The following CDH12 variants were observed in gnomAD, a reference collection of about 807,000 sequenced individuals.
The protein encoded by CDH12 is cadherin 12.
CDH12 carries 41 observed loss-of-function variants against 74.1 expected under a neutral mutation model. The ratio of observed to expected loss-of-function variants is 0.55; its 90% CI spans 0.43 to 0.72. The LOEUF (loss-of-function observed/expected upper bound fraction) is 0.72. Ranked by LOEUF, CDH12 falls within the 30% of genes least tolerant of loss-of-function variation. The pLI is 0.00. For synonymous variants in CDH12, 399 were observed against 355.0 expected (o/e 1.12, Z -1.39); for missense variants, 945 against 977.2 (o/e 0.97, Z 0.44).
intron 1 of CDH12, among the ~76,000 whole-genome samples, chr5:22,693,777 ATCTG>A (rs1742207069): frequency 6.6e-6 from 1 of 151,914 alleles, no homozygotes; most frequent in South Asian, 2.1e-4. Flanking sequence ...TATATGTATT[ATCTG>A]TCTGCATATA....
intron 1 of CDH12, among the ~76,000 whole-genome samples, chr5:22,650,825 G>A (rs904729314): frequency 1.3e-5 from 2 of 151,982 alleles, no homozygotes; most frequent in African/African-American, 4.8e-5. Flanking sequence ...ATCTGCCACT[G>A]CAAGTGGGTT....
At chr5:22,292,343 T>C (rs79075887) in intron 3 of CDH12, among the ~76,000 whole-genome samples, 4 of 1,738 alleles carry the variant, frequency 2.3e-3, no homozygotes, top group African/African-American at 2.3e-3. Flanking sequence ...TGGTTTTTGT[T>C]TTTTTTTTTT....
rs1177924897 is a variant in CDH12, at chr5:22,775,914, A to G, written c.-523+77144T>C. On this transcript the variant is annotated intron_variant, in intron 1 of 14. Coordinates refer to ENST00000382254, the MANE Select transcript of CDH12 (RefSeq NM_004061.5). ...TCCCATGCTATTCTTGTGATAGTGA[A>G]TAAGTCCCTTGAGATCTGATGGGTT... Among the ~76,000 whole-genome samples the G allele has an allele frequency of 2.0e-5, 3 of 151,998 alleles. No individual in the cohort carries two copies. In the East Asian group the frequency reaches 5.8e-4, roughly 29 times the overall value.
At chr5:22,209,733 C>T (rs1751423146) in intron 4 of CDH12, among the ~76,000 whole-genome samples, 1 of 151,198 alleles carries the variant, frequency 6.6e-6, no homozygotes, top group African/African-American at 2.4e-5. Flanking sequence ...ATGGAATTTA[C>T]AAAATCACTT....
Position 22,170,131 on chromosome 5 carries a change from T to A in CDH12, c.-187+42367A>T, listed in dbSNP as rs547035714. Among the ~76,000 whole-genome samples the A allele has an allele frequency of 4.6e-5, 7 of 151,916 alleles. No homozygotes were observed. The South Asian group carries it at 1.2e-3, about 27-fold the overall frequency. On this transcript the variant is annotated intron_variant, in intron 4 of 14. Transcript: ENST00000382254. ...TAACACACCTACAAAGGCAGAAAGC[T>A]GAATGTCCCTCAGAATAGTAGAAAC...
chr5:22,045,727 G>A (rs1739902261), intron 5 of CDH12, among the ~76,000 whole-genome samples: 2 of 151,922 alleles, frequency 1.3e-5, no homozygotes, highest in African/African-American at 4.8e-5. Flanking sequence ...ACTCATATGT[G>A]GAATCTAAAA....
chr5:21,955,462 G>T (rs1756054072), intron 6 of CDH12, among the ~76,000 whole-genome samples: 1 of 151,906 alleles, frequency 6.6e-6, no homozygotes, highest in South Asian at 2.1e-4. Flanking sequence ...GCTAGTGATT[G>T]CACACTTAAA....
chr5:22,415,841 T>C lies in CDH12; in HGVS notation c.-427-10490A>G, dbSNP rs565559272. The stretch of plus-strand genomic sequence containing the variant: ...TGGCATTGGATTCAGGATCAGGTTT[T>C]GGTTGGCAATACAAAAGAGTCTAGG... On this transcript the variant is annotated intron_variant, in intron 2 of 14. Coordinates refer to ENST00000382254, the MANE Select transcript of CDH12 (RefSeq NM_004061.5). Among the ~76,000 whole-genome samples, 208 of 152,160 alleles carry C rather than the reference T, an allele frequency of 1.4e-3. 1 individual carries two copies. Among genetic ancestry groups the C allele is most frequent in the African/African-American group, 4.6e-3 (192 of 41,536 alleles).
At chr5:22,666,309 A>C (rs1161674410) in intron 1 of CDH12, among the ~76,000 whole-genome samples, 4 of 82,370 alleles carry the variant, frequency 4.9e-5, no homozygotes, top group Admixed American at 2.1e-4. Context: ...TTTGTTTTTG[A>C]GACGGAGTCT....
chr5:22,837,502 C>A (rs1487906377), intron 1 of CDH12, among the ~76,000 whole-genome samples: 2 of 152,004 alleles, frequency 1.3e-5, no homozygotes, highest in Non-Finnish European at 2.9e-5. Flanking sequence ...CAGACTATTG[C>A]CATATGTCAG....
intron 4 of CDH12, chr5:22,142,630 G>C (rs1042995495): frequency 5.4e-5 from 24 of 442,042 alleles, no homozygotes; most frequent in African/African-American, 4.8e-4. Context: ...CCATTAAACA[G>C]AACTCTGAGT....
At chr5:22,783,168 A>G (rs1450365600) in intron 1 of CDH12, among the ~76,000 whole-genome samples, 1 of 152,168 alleles carries the variant, frequency 6.6e-6, no homozygotes. Flanking sequence ...CTGAAGCCAC[A>G]TTTTGGATCT....
At chr5:22,231,835 T>C (rs1752395649) in intron 3 of CDH12, among the ~76,000 whole-genome samples, 1 of 152,074 alleles carries the variant, frequency 6.6e-6, no homozygotes, top group Admixed American at 6.6e-5. Context: ...GAATTATCTA[T>C]ATAAAAATCT....
chr5:22,636,052 C>T (rs963013913), intron 1 of CDH12, among the ~76,000 whole-genome samples: 11 of 151,122 alleles, frequency 7.3e-5, no homozygotes, highest in African/African-American at 2.7e-4. Context: ...GACATTTATC[C>T]AAAGAAAATA....
chr5:21,783,057 CTGTG>C (rs1746000405), intron 11 of CDH12, among the ~76,000 whole-genome samples: 1 of 152,154 alleles, frequency 6.6e-6, no homozygotes, highest in African/African-American at 2.4e-5. Flanking sequence ...TAAAAGGAAA[CTGTG>C]TGGAAGAGAA....
At chr5:22,670,086 G>A (rs985315166) in intron 1 of CDH12, among the ~76,000 whole-genome samples, 6 of 152,140 alleles carry the variant, frequency 3.9e-5, no homozygotes, top group Admixed American at 3.9e-4. Context: ...AGACATTGGT[G>A]GGTGGCCCTG....
At chr5:21,947,930 A>C (rs116236304) in intron 6 of CDH12, among the ~76,000 whole-genome samples, 3 of 152,184 alleles carry the variant, frequency 2.0e-5, no homozygotes, top group African/African-American at 7.2e-5. Context: ...AAAGGAGACA[A>C]TGTACAGCTC....
intron 14 of CDH12, among the ~76,000 whole-genome samples, chr5:21,754,749 T>A (rs1400834552): frequency 6.6e-6 from 1 of 152,180 alleles, no homozygotes; most frequent in Non-Finnish European, 1.5e-5. Context: ...CATACATAAT[T>A]TGATTCCACA....
chr5:21,772,713 A>G (rs553970184), intron 11 of CDH12, among the ~76,000 whole-genome samples: 1 of 152,320 alleles, frequency 6.6e-6, no homozygotes, highest in African/African-American at 2.4e-5. Flanking sequence ...CAAGATAACA[A>G]TTCCATGTAA....
Sources: allele counts gnomAD v4.1 joint callset (sites outside exome capture counted in the v4.1 genomes callset), GRCh38; gene constraint gnomAD v4.1.1; transcripts MANE v1.5; gene names NCBI Gene and HGNC (gene_info 2026-07-23, HGNC 2026-07-21).